RELN: variants seen among roughly 807,000 people sequenced by gnomAD.
The protein encoded by RELN is reelin.
In RELN, 108 loss-of-function variants were observed where a neutral mutation model predicts 427.6. The ratio of observed to expected loss-of-function variants is 0.25; its 90% CI spans 0.22 to 0.30. RELN has a LOEUF of 0.30. RELN is among the 10% of genes least tolerant of loss of function. RELN has a pLI of 1.00. For synonymous variants in RELN, 1,524 were observed against 1,513.4 expected (o/e 1.01, Z -0.16); for missense variants, 3,715 against 4,302.8 (o/e 0.86, Z 3.82).
chr7:103,920,839 G>T (rs949305247), intron 1 of RELN, among the ~76,000 whole-genome samples: 2 of 152,102 alleles, frequency 1.3e-5, no homozygotes, highest in Admixed American at 6.5e-5. Flanking sequence ...CTCCCAAAAT[G>T]CTGGGATTAC....
chr7:103,960,108 G>T (rs751386115), intron 1 of RELN, among the ~76,000 whole-genome samples: 9 of 152,108 alleles, frequency 5.9e-5, no homozygotes, highest in Non-Finnish European at 1.0e-4. Flanking sequence ...TTGAAAAGAA[G>T]AAATTAGATT....
intron 2 of RELN, among the ~76,000 whole-genome samples, 180 bp downstream of exon 2, chr7:103,916,895 C>A (rs530678892): frequency 6.6e-6 from 1 of 152,122 alleles, no homozygotes; most frequent in African/African-American, 2.4e-5. Context: ...GTTAGCTGCA[C>A]ATTTACATGA....
At chr7:103,915,946 C>T (rs879274334) in intron 2 of RELN, among the ~76,000 whole-genome samples, 18 of 152,156 alleles carry the variant, frequency 1.2e-4, no homozygotes, top group Admixed American at 2.6e-4. Context: ...ATTTGTAGAT[C>T]TAAGAGGACA....
At chr7:103,814,593 C>A (rs1297668298) in intron 3 of RELN, among the ~76,000 whole-genome samples, 1 of 152,138 alleles carries the variant, frequency 6.6e-6, no homozygotes, top group East Asian at 1.9e-4. Context: ...TGCCTTGCTG[C>A]CTTGGCCACA....
chr7:103,499,597 A>G (rs1828955376), intron 53 of RELN, among the ~76,000 whole-genome samples: 2 of 152,164 alleles, frequency 1.3e-5, no homozygotes, highest in Admixed American at 6.6e-5. Context: ...CTTTTTCTCA[A>G]ACTTAGAAGA....
chr7:103,565,112 T>C (rs1425833806), intron 34 of RELN, among the ~76,000 whole-genome samples, 166 bp downstream of exon 34: 1 of 152,206 alleles, frequency 6.6e-6, no homozygotes, highest in East Asian at 1.9e-4. Flanking sequence ...TCTAGCCACA[T>C]TTAAAACTTG....
intron 4 of RELN, among the ~76,000 whole-genome samples, chr7:103,773,857 C>T (rs1171249061): frequency 6.6e-6 from 1 of 152,138 alleles, no homozygotes; most frequent in Non-Finnish European, 1.5e-5. Flanking sequence ...AACTTAGCTA[C>T]CTCTGTGATC....
chr7:103,612,567 G>A (rs531024548), intron 20 of RELN, among the ~76,000 whole-genome samples: 4 of 152,146 alleles, frequency 2.6e-5, no homozygotes, highest in Non-Finnish European at 2.9e-5. Flanking sequence ...GAGCCACCGC[G>A]CCCAGCCTGA....
chr7:103,677,455 A>AAT, intron 11 of RELN, among the ~76,000 whole-genome samples: 1 of 138,846 alleles, frequency 7.2e-6, no homozygotes, highest in South Asian at 2.3e-4. Context: ...ATAATAATAA[A>AAT]AAGAACAACA....
chr7:103,632,927 A>G (rs551394635), intron 19 of RELN, among the ~76,000 whole-genome samples: 3 of 152,328 alleles, frequency 2.0e-5, no homozygotes, highest in African/African-American at 7.2e-5. Flanking sequence ...TAGTAATTTT[A>G]GAGTAAAAAC....
At chr7:103,930,070 C>T (rs2116705538) in intron 1 of RELN, among the ~76,000 whole-genome samples, 1 of 152,258 alleles carries the variant, frequency 6.6e-6, no homozygotes, top group South Asian at 2.1e-4. Flanking sequence ...GTAGGGTTGC[C>T]ATAACAAAGT....
intron 2 of RELN, among the ~76,000 whole-genome samples, chr7:103,909,687 AAATATATATATTT>A (rs1795300446): frequency 1.4e-5 from 1 of 70,650 alleles, no homozygotes; most frequent in Admixed American, 2.2e-4. Flanking sequence ...TATATTTAAT[AAATATATATATTT>A]AATATATATA....
chr7:103,718,392 T>G (rs554262332), intron 8 of RELN, among the ~76,000 whole-genome samples: 3 of 150,130 alleles, frequency 2.0e-5, no homozygotes, highest in Admixed American at 1.3e-4. Flanking sequence ...GTTTAGGACA[T>G]CTGTAAGTAA....
rs1351677549 is a variant in RELN, at chr7:103,744,061, GTC to G, written c.656+5363_656+5364del. Among the ~76,000 whole-genome samples, 669 of 152,224 alleles carry G rather than the reference GTC, an allele frequency of 4.4e-3. 5 individuals carry two copies. The highest frequency in any genetic ancestry group is 0.015 in the African/African-American group (630 of 41,522). ...AAAAGAACAGAAATTATAATAAACT[GTC>G]TCTCAGACCACAGTGCAATCAAACT... On this transcript the variant is annotated intron_variant, in intron 6 of 64. Coordinates refer to ENST00000428762, the MANE Select transcript of RELN (RefSeq NM_005045.4).
At chr7:103,671,917 C>G (rs1236344767) in intron 11 of RELN, among the ~76,000 whole-genome samples, 2 of 152,154 alleles carry the variant, frequency 1.3e-5, no homozygotes, top group African/African-American at 2.4e-5. Flanking sequence ...TTAACTCAGA[C>G]TGCCACACTA....
intron 8 of RELN, among the ~76,000 whole-genome samples, chr7:103,703,660 T>A (rs1834139701): frequency 6.6e-6 from 1 of 152,200 alleles, no homozygotes; most frequent in Non-Finnish European, 1.5e-5. Context: ...GAAGGACAAT[T>A]TCAAATGTCA....
intron 4 of RELN, among the ~76,000 whole-genome samples, chr7:103,758,388 T>C (rs1562995264): frequency 6.6e-6 from 1 of 152,012 alleles, no homozygotes; most frequent in African/African-American, 2.4e-5. Context: ...CTACTTTGCC[T>C]AAAAAACAAG....
chr7:103,847,091 A>G (rs1199048325), intron 2 of RELN, among the ~76,000 whole-genome samples: 2 of 152,230 alleles, frequency 1.3e-5, no homozygotes, highest in African/African-American at 2.4e-5. Flanking sequence ...AGGGTTATAA[A>G]TCATTCCACT....
Position 103,497,932 on chromosome 7 carries a change from T to A in RELN, c.8844-6A>T. The A allele has an allele frequency of 1.2e-6, 2 of 1,613,210 alleles. No individual in the cohort carries two copies. The highest frequency in any genetic ancestry group is 8.5e-7 in the Non-Finnish European group (1 of 1,179,218). ...GCCCCCAGTATTGCAGGAACCTGAATGCAAGCACATTTTATCCATCAGAAT... is the reference window on the plus strand; with the variant it reads ...GCCCCCAGTATTGCAGGAACCTGAAAGCAAGCACATTTTATCCATCAGAAT... On this transcript the variant is annotated splice_region_variant and splice_polypyrimidine_tract_variant and intron_variant, in intron 54 of 64. Transcript: ENST00000428762.
Sources: allele counts gnomAD v4.1 joint callset (sites outside exome capture counted in the v4.1 genomes callset), GRCh38; gene constraint gnomAD v4.1.1; transcripts MANE v1.5; gene names NCBI Gene and HGNC (gene_info 2026-07-23, HGNC 2026-07-21).